PTPRT: variants seen among roughly 807,000 people sequenced by gnomAD.
The protein encoded by PTPRT is receptor-type tyrosine-protein phosphatase T.
PTPRT carries 56 observed loss-of-function variants against 176.8 expected under a neutral mutation model. The ratio of observed to expected loss-of-function variants is 0.32; its 90% CI spans 0.26 to 0.40. The LOEUF is 0.40. Ranked by LOEUF, PTPRT falls within the 10% of genes least tolerant of loss-of-function variation. The probability of loss-of-function intolerance (pLI) is 1.00; values close to 1 mark genes in which losing one functional copy is unlikely to be tolerated. For missense variants in PTPRT, 1,540 were observed against 1,908.2 expected, an observed-to-expected ratio of 0.81 and a Z score of 3.60; for synonymous variants, 783 against 739.0, an observed-to-expected ratio of 1.06 and a Z score of -0.96.
chr20:42,280,515 G>T (rs1179798861), intron 13 of PTPRT, among the ~76,000 whole-genome samples: 1 of 152,140 alleles, frequency 6.6e-6, no homozygotes, highest in Non-Finnish European at 1.5e-5. Context: ...TCAGAAGCCT[G>T]CCTGGGCTTG....
intron 1 of PTPRT, among the ~76,000 whole-genome samples, chr20:43,162,531 G>A (rs998211882): frequency 5.3e-5 from 8 of 152,200 alleles, no homozygotes; most frequent in Admixed American, 1.3e-4. Context: ...AGGCTACTCC[G>A]TGCGGTCCCA....
At chr20:42,169,028 T>C (rs1989959422) in intron 16 of PTPRT, among the ~76,000 whole-genome samples, 1 of 152,218 alleles carries the variant, frequency 6.6e-6, no homozygotes, top group African/African-American at 2.4e-5. Context: ...TTGACTTTGA[T>C]AGACTTTGTT....
intron 1 of PTPRT, among the ~76,000 whole-genome samples, chr20:42,943,278 G>A (rs933787029): frequency 2.6e-5 from 4 of 152,158 alleles, no homozygotes; most frequent in Middle Eastern, 3.2e-3. Context: ...TATCATCCCA[G>A]GGCAGTAAGA....
At position 42,167,982 on chromosome 20, in the gene PTPRT, T is replaced by C. The variant is rs1989899636; in HGVS notation, c.2492-6440A>G. Among the ~76,000 whole-genome samples, 2 of 152,208 alleles carry C rather than the reference T, an allele frequency of 1.3e-5. 1 individual carries two copies. The highest frequency in any genetic ancestry group is 2.9e-5 in the Non-Finnish European group (2 of 68,044). On this transcript the variant is annotated intron_variant, in intron 16 of 30. Coordinates refer to ENST00000373187, the MANE Select transcript of PTPRT (RefSeq NM_007050.6). ...CCTTATTGATAACATAAACAGCTGATTAACACACATGTTGTATGTTATATG... is the reference window on the plus strand; with the variant it reads ...CCTTATTGATAACATAAACAGCTGACTAACACACATGTTGTATGTTATATG...
At chr20:42,768,150 T>A (rs1380455388) in intron 5 of PTPRT, among the ~76,000 whole-genome samples, 2 of 152,042 alleles carry the variant, frequency 1.3e-5, no homozygotes, top group Non-Finnish European at 2.9e-5. Flanking sequence ...TACCTCCCAA[T>A]ATTTTCTGAA....
intron 7 of PTPRT, among the ~76,000 whole-genome samples, chr20:42,520,819 A>ATATATATATATG (rs2072158185): frequency 6.9e-6 from 1 of 145,888 alleles, no homozygotes; most frequent in Non-Finnish European, 1.5e-5. Context: ...ATATATATAT[A>ATATATATATATG]TATGTATGTA....
intron 9 of PTPRT, among the ~76,000 whole-genome samples, chr20:42,386,555 C>G (rs2058746422): frequency 6.6e-6 from 1 of 152,118 alleles, no homozygotes; most frequent in Non-Finnish European, 1.5e-5. Flanking sequence ...CTATGGTATG[C>G]TTGACATTGC....
At chr20:42,455,249 C>T (rs948257192) in intron 8 of PTPRT, among the ~76,000 whole-genome samples, 1 of 152,176 alleles carries the variant, frequency 6.6e-6, no homozygotes, top group African/African-American at 2.4e-5. Flanking sequence ...CTGTACTTGT[C>T]TTGTTATGGA....
At chr20:43,114,147 C>T (rs2012966095) in intron 1 of PTPRT, among the ~76,000 whole-genome samples, 1 of 152,132 alleles carries the variant, frequency 6.6e-6, no homozygotes, top group Admixed American at 6.5e-5. Flanking sequence ...TTCAGTGAGC[C>T]ACTCTGCTTC....
At chr20:43,044,597 C>T (rs145556236) in intron 1 of PTPRT, among the ~76,000 whole-genome samples, 24 of 152,304 alleles carry the variant, frequency 1.6e-4, no homozygotes, top group Non-Finnish European at 2.6e-4. Flanking sequence ...CTCCCTGCCG[C>T]ATGCCCTTGT....
chr20:42,075,217 C>T lies in PTPRT; in HGVS notation c.*5662G>A. 4.1e-6 allele frequency: 1 copy of T among 244,184 alleles called. No individual in the cohort carries two copies. Among genetic ancestry groups the T allele is most frequent in the East Asian group, 5.9e-5 (1 of 16,906 alleles). The allele number at this position is 244,184 out of a possible 1,614,324, so 15.1% of individuals were successfully genotyped here. A position where few individuals can be genotyped will look rare whatever the true frequency, so the allele number is the denominator to read the frequency against. On this transcript the variant is annotated 3_prime_UTR_variant, in exon 31 of 31. Transcript: ENST00000373187. ...TTACTTTTCCTATTTCCTTGTTTTACTTGGCTGTGATTTGAAGCTGGTCAC... is the reference window on the plus strand; with the variant it reads ...TTACTTTTCCTATTTCCTTGTTTTATTTGGCTGTGATTTGAAGCTGGTCAC...
At chr20:42,714,078 G>T (rs2076187411) in intron 6 of PTPRT, among the ~76,000 whole-genome samples, 1 of 152,134 alleles carries the variant, frequency 6.6e-6, no homozygotes, top group Non-Finnish European at 1.5e-5. Flanking sequence ...CAAGCTCTAG[G>T]TAGGGCTCTC....
At chr20:42,393,064 T>C (rs2145677305) in intron 9 of PTPRT, among the ~76,000 whole-genome samples, 1 of 152,246 alleles carries the variant, frequency 6.6e-6, no homozygotes, top group Non-Finnish European at 1.5e-5. Flanking sequence ...TTTAGCAAGA[T>C]CTATTTTGTA....
chr20:42,719,643 T>C (rs898077178), intron 6 of PTPRT, among the ~76,000 whole-genome samples: 8 of 152,168 alleles, frequency 5.3e-5, no homozygotes, highest in African/African-American at 1.9e-4. Flanking sequence ...AATAAGACAA[T>C]GCATATGAAG....
At chr20:42,148,260 A>ATTTTTTTTT (rs34255255) in intron 17 of PTPRT, among the ~76,000 whole-genome samples, 3 of 114,078 alleles carry the variant, frequency 2.6e-5, no homozygotes, top group Non-Finnish European at 3.6e-5. Context: ...CAAGGCAGTC[A>ATTTTTTTTT]TTTTTTTTTT....
At chr20:42,830,671 AC>A (rs1328349336) in intron 2 of PTPRT, among the ~76,000 whole-genome samples, 1 of 152,190 alleles carries the variant, frequency 6.6e-6, no homozygotes. Flanking sequence ...CTGTTTGCAT[AC>A]AACATGATTT....
chr20:42,047,462 A>C, the PTPRT span, among the ~76,000 whole-genome samples: 1 of 152,198 alleles, frequency 6.6e-6, no homozygotes, highest in Non-Finnish European at 1.5e-5. Flanking sequence ...TCCCATAGCC[A>C]GTTCCACTTG....
chr20:42,301,504 T>A (rs377524064), intron 12 of PTPRT, among the ~76,000 whole-genome samples: 2 of 152,184 alleles, frequency 1.3e-5, no homozygotes, highest in Admixed American at 6.6e-5. Flanking sequence ...AGTATATGAC[T>A]GAGACAATTG....
chr20:42,949,455 C>T (rs1436808941), intron 1 of PTPRT, among the ~76,000 whole-genome samples: 1 of 152,246 alleles, frequency 6.6e-6, no homozygotes. Flanking sequence ...CCAGTTTTCT[C>T]AGCCCTGGTG....
Sources: gnomAD v4.1 joint callset for allele counts (sites outside exome capture counted in the v4.1 genomes callset) on GRCh38, gnomAD v4.1.1 for gene constraint, MANE v1.5 for transcripts, NCBI Gene and HGNC (gene_info 2026-07-23, HGNC 2026-07-21) for gene names.